NCAM2: variants seen among roughly 807,000 people sequenced by gnomAD.
NCAM2 encodes N-CAM-2.
NCAM2 carries 30 observed loss-of-function variants against 98.1 expected under a neutral mutation model. That is an observed-to-expected ratio of 0.31 (90% CI 0.23 to 0.41). The LOEUF is 0.41. NCAM2 is among the 10% of genes least tolerant of loss of function. The probability of loss-of-function intolerance (pLI) is 1.00; values close to 1 mark genes in which losing one functional copy is unlikely to be tolerated. For synonymous variants in NCAM2, 368 were observed against 342.4 expected (o/e 1.07, Z -0.83); for missense variants, 867 against 1,005.8 (o/e 0.86, Z 1.87).
At chr21:21,242,331 T>C (rs2071094873) in intron 1 of NCAM2, among the ~76,000 whole-genome samples, 1 of 152,228 alleles carries the variant, frequency 6.6e-6, no homozygotes, top group South Asian at 2.1e-4. Flanking sequence ...ATACTTATTT[T>C]TTTGTAGTGA....
chr21:21,014,137 G>A (rs2064261722), intron 1 of NCAM2, among the ~76,000 whole-genome samples: 1 of 152,108 alleles, frequency 6.6e-6, no homozygotes, highest in Non-Finnish European at 1.5e-5. Flanking sequence ...TATTCTTATA[G>A]TCCTAGCGTC....
intron 6 of NCAM2, among the ~76,000 whole-genome samples, chr21:21,331,509 C>A (rs1334647364): frequency 4.0e-4 from 2 of 5,028 alleles, no homozygotes; most frequent in East Asian, 2.3e-3. Context: ...ACTCTATACT[C>A]TCTCTCTCTA....
At chr21:21,503,321 A>G (rs1288162323) in intron 15 of NCAM2, among the ~76,000 whole-genome samples, 1 of 151,952 alleles carries the variant, frequency 6.6e-6, no homozygotes, top group East Asian at 1.9e-4. Flanking sequence ...AATCTTGTGT[A>G]TAAGGGCCAT....
chr21:21,112,800 G>A (rs2066481454), intron 1 of NCAM2, among the ~76,000 whole-genome samples: 2 of 152,148 alleles, frequency 1.3e-5, no homozygotes, highest in Admixed American at 6.5e-5. Flanking sequence ...AAGTTGCACA[G>A]GATTCATCTT....
chr21:21,427,845 G>A lies in NCAM2; in HGVS notation c.1481-4263G>A, dbSNP rs139197673. On this transcript the variant is annotated intron_variant, in intron 11 of 17. Coordinates refer to ENST00000400546, the MANE Select transcript of NCAM2 (RefSeq NM_004540.5). The stretch of plus-strand genomic sequence containing the variant: ...ATGGATACAAAAGTATGTAATAGAA[G>A]GAGGCTGATGATCAGGGAGGGATAG... Among the ~76,000 whole-genome samples, 1,299 of 152,302 alleles carry A rather than the reference G, an allele frequency of 8.5e-3. 21 individuals are homozygous for A. Among genetic ancestry groups the A allele is most frequent in the African/African-American group, 0.03 (1,232 of 41,556 alleles).
rs1463247343 is a variant in NCAM2, at chr21:21,054,242, T to C, written c.55+55624T>C. 3.9e-5 allele frequency among the ~76,000 whole-genome samples: 6 copies of C among 152,032 alleles called. No homozygotes were observed. The South Asian group carries it at 1.2e-3, about 31-fold the overall frequency. On this transcript the variant is annotated intron_variant, in intron 1 of 17. Transcript: ENST00000400546. ...TCAATAATGTTACATATTAGGAACCTAGGCGTAAGTACAAATTTGTTGGTG... is the reference window on the plus strand; with the variant it reads ...TCAATAATGTTACATATTAGGAACCCAGGCGTAAGTACAAATTTGTTGGTG...
intron 11 of NCAM2, among the ~76,000 whole-genome samples, chr21:21,423,058 T>A (rs550865468): frequency 3.9e-4 from 59 of 151,970 alleles, no homozygotes; most frequent in Middle Eastern, 3.2e-3. Context: ...TATTTTTAAA[T>A]TTCTTAATTT....
intron 16 of NCAM2, among the ~76,000 whole-genome samples, chr21:21,521,075 C>T (rs1988989349): frequency 1.3e-5 from 2 of 152,110 alleles, no homozygotes; most frequent in South Asian, 4.1e-4. Context: ...TTAACCAGAG[C>T]CTAACATGGG....
At chr21:21,214,464 C>G (rs1040980391) in intron 1 of NCAM2, among the ~76,000 whole-genome samples, 4 of 151,800 alleles carry the variant, frequency 2.6e-5, no homozygotes, top group African/African-American at 9.7e-5. Flanking sequence ...ACTGCAATGC[C>G]TTAAGATTTG....
intron 5 of NCAM2, among the ~76,000 whole-genome samples, chr21:21,303,082 ACAC>A (rs1362543534): frequency 6.6e-6 from 1 of 152,068 alleles, no homozygotes; most frequent in Non-Finnish European, 1.5e-5. Flanking sequence ...GGAACCATAG[ACAC>A]TGCAGAATAC....
intron 1 of NCAM2, among the ~76,000 whole-genome samples, chr21:21,178,090 T>G (rs1252509685): frequency 6.6e-6 from 1 of 152,188 alleles, no homozygotes; most frequent in Non-Finnish European, 1.5e-5. Flanking sequence ...TAATTTTGTC[T>G]GATTAACTTA....
chr21:21,003,673 T>TA (rs554387008), intron 1 of NCAM2, among the ~76,000 whole-genome samples: 1 of 152,256 alleles, frequency 6.6e-6, no homozygotes, highest in South Asian at 2.1e-4. Flanking sequence ...TATTTAGTTT[T>TA]AAAAAATCAT....
At chr21:21,280,413 A>G (rs1030425088) in intron 1 of NCAM2, among the ~76,000 whole-genome samples, 165 bp from the exon 2 acceptor site, 19 of 152,204 alleles carry the variant, frequency 1.2e-4, no homozygotes, top group Non-Finnish European at 2.2e-4. Context: ...AGTAATATGT[A>G]TAATGGTAGA....
intron 1 of NCAM2, among the ~76,000 whole-genome samples, chr21:21,198,492 T>G (rs996125005): frequency 6.6e-6 from 1 of 152,152 alleles, no homozygotes; most frequent in Admixed American, 6.6e-5. Flanking sequence ...AAAGATGAAT[T>G]AAAATGCTTT....
At chr21:21,362,145 A>G (rs2147997547) in intron 8 of NCAM2, among the ~76,000 whole-genome samples, 1 of 152,030 alleles carries the variant, frequency 6.6e-6, no homozygotes, top group South Asian at 2.1e-4. Context: ...GTTACAGACC[A>G]GCGTTTGCTT....
rs761349725 is a variant in NCAM2 at position 21,466,656 on chromosome 21, G to C, written c.1705G>C (p.Val569Leu). 7 of 1,609,554 alleles carry C rather than the reference G, an allele frequency of 4.3e-6. No individual in the cohort carries two copies. The South Asian group carries it at 7.7e-5, about 18-fold the overall frequency. The part of the protein sequence containing the change: ...LEPNTTYEIR[V>L]AAVNGKGQGD... Reference sequence around the variant, plus strand: ...ACCAAATACAACTTATGAAATCAGGGTTGCAGCTGTAAATGGAAAGGGACA... The same window carrying C: ...ACCAAATACAACTTATGAAATCAGGCTTGCAGCTGTAAATGGAAAGGGACA... The change falls in exon 13 of 18, where the codon GTT becomes CTT. Residue 569 changes from valine to leucine, a missense_variant. Val to Leu is a conservative substitution (Grantham distance 32). Coordinates refer to ENST00000400546, the MANE Select transcript of NCAM2 (RefSeq NM_004540.5).
intron 6 of NCAM2, among the ~76,000 whole-genome samples, chr21:21,325,986 C>G (rs1223134073): frequency 2.6e-5 from 4 of 152,054 alleles, no homozygotes; most frequent in African/African-American, 9.7e-5. Flanking sequence ...GGTGAATAAG[C>G]CTTGTTTTGA....
At chr21:21,325,603 T>G (rs951992863) in intron 6 of NCAM2, among the ~76,000 whole-genome samples, 1 of 152,180 alleles carries the variant, frequency 6.6e-6, no homozygotes, top group African/African-American at 2.4e-5. Flanking sequence ...ATCGTCTGTC[T>G]CAGTGACTGC....
At chr21:21,262,264 A>T (rs1048544372) in intron 1 of NCAM2, among the ~76,000 whole-genome samples, 9 of 152,264 alleles carry the variant, frequency 5.9e-5, no homozygotes, top group Admixed American at 4.6e-4. Flanking sequence ...TCACAGCCAC[A>T]TTCTACCAGA....
Sources: allele counts gnomAD v4.1 joint callset (sites outside exome capture counted in the v4.1 genomes callset), GRCh38; gene constraint gnomAD v4.1.1; transcripts MANE v1.5; gene names NCBI Gene and HGNC (gene_info 2026-07-23, HGNC 2026-07-21).